The following BTN2A2 variants were observed in gnomAD, a reference collection of about 807,000 sequenced individuals.
BTN2A2 encodes butyrophilin subfamily 2 member A2.
BTN2A2 carries 29 observed loss-of-function variants against 34.7 expected under a neutral mutation model. The observed-to-expected ratio is 0.84, with a 90% CI of 0.62 to 1.14. The LOEUF (loss-of-function observed/expected upper bound fraction) is 1.14. Among genes scored for constraint, BTN2A2 ranks in the 50% most tolerant of loss-of-function variants. The probability of loss-of-function intolerance (pLI) is 0.00; values close to 1 mark genes in which losing one functional copy is unlikely to be tolerated. For synonymous variants in BTN2A2, 240 were observed against 253.1 expected (o/e 0.95, Z 0.49); for missense variants, 612 against 651.5 (o/e 0.94, Z 0.66).
At position 26,390,088 on chromosome 6, in the gene BTN2A2, G is replaced by C. The variant is rs147003451; in HGVS notation, c.808G>C (p.Val270Leu). The C allele has an allele frequency of 9.4e-5, 152 of 1,614,156 alleles. No individual in the cohort carries two copies. The African/African-American group carries it at 1.8e-3, about 20-fold the overall frequency. Residue 270 changes from valine (V) to leucine (L), a missense_variant, in exon 5 of 8, where the codon GTC becomes CTC. Physicochemically the swap from Val to Leu is conservative, Grantham distance 32 (BLOSUM62 1). Coordinates refer to ENST00000356709, the MANE Select transcript of BTN2A2 (RefSeq NM_006995.5). ...TASPWMVSMT[V>L]ILAVFIIFMA... ...ATCTCCCTGGATGGTGTCCATGACT[G>C]TCATCCTGGCTGTTTTCATCATCTT...
chr6:26,384,927 T>A lies in BTN2A2; in HGVS notation c.95-88T>A, dbSNP rs1277412417. ...TTCCTTTCATCCCTGGAGTTTTTTT[T>A]GTTTGTTTGTTTTTGTTTTTTGTTT... On this transcript the variant is annotated intron_variant, in intron 2 of 7. Coordinates refer to ENST00000356709, the MANE Select transcript of BTN2A2 (RefSeq NM_006995.5). The surrounding 1 kb of genome is among the most constrained non-coding windows in gnomAD (Gnocchi z 4.0). 7.5e-7 allele frequency: 1 copy of A among 1,335,028 alleles called. No homozygotes were observed. Among genetic ancestry groups the A allele is most frequent in the Non-Finnish European group, 1.0e-6 (1 of 994,620 alleles). The allele number at this position is 1,335,028 out of a possible 1,614,324, so 82.7% of individuals were successfully genotyped here. A position where few individuals can be genotyped will look rare whatever the true frequency, so the allele number is the denominator to read the frequency against.
At chr6:26,389,590 T>A (rs1049410553) in intron 4 of BTN2A2, among the ~76,000 whole-genome samples, 1 of 151,750 alleles carries the variant, frequency 6.6e-6, no homozygotes, top group Admixed American at 6.6e-5. Flanking sequence ...GTGGGAAGCA[T>A]TGGAAGGTTT....
At chr6:26,390,503 T>C (rs1003117831) in intron 5 of BTN2A2, 184 bp from the exon 6 acceptor site, 4 of 790,648 alleles carry the variant, frequency 5.1e-6, no homozygotes, top group African/African-American at 3.4e-5. Context: ...AGTCTAACAA[T>C]GTACTGATAC....
chr6:26,387,663 G>A (rs1761293825), intron 3 of BTN2A2, among the ~76,000 whole-genome samples: 1 of 152,050 alleles, frequency 6.6e-6, no homozygotes, highest in African/African-American at 2.4e-5. Flanking sequence ...AGGAAATTGA[G>A]GTCTGCAGAG....
Position 26,385,198 on chromosome 6 carries a change from T to C in BTN2A2, c.278T>C (p.Met93Thr). 1 of 1,614,104 alleles carries C rather than the reference T, an allele frequency of 6.2e-7. No homozygotes were observed. Reference protein sequence around the residue: ...KGGRERTEEQMEEYRGRITFV... With the variant: ...KGGRERTEEQTEEYRGRITFV... ...GGGAGAGAGAGAACAGAGGAGCAGA[T>C]GGAGGAGTACCGGGGAAGAATCACC... The change falls in exon 3 of 8, where the codon ATG becomes ACG. Residue 93 changes from methionine to threonine, a missense_variant. Met to Thr is a moderately conservative substitution (Grantham distance 81). Coordinates refer to ENST00000356709, the MANE Select transcript of BTN2A2 (RefSeq NM_006995.5).
intron 3 of BTN2A2, among the ~76,000 whole-genome samples, chr6:26,386,224 G>C (rs375625328): frequency 3.9e-4 from 59 of 152,120 alleles, no homozygotes; most frequent in Middle Eastern, 3.4e-3. Flanking sequence ...AATTTAGCTG[G>C]GAAGAAATTG....
At chr6:26,389,500 G>T (rs972074843) in intron 4 of BTN2A2, among the ~76,000 whole-genome samples, 2 of 152,216 alleles carry the variant, frequency 1.3e-5, no homozygotes, top group African/African-American at 2.4e-5. Context: ...AGTAGGGGGA[G>T]ATGAATTCAC....
intron 4 of BTN2A2, 122 bp downstream of exon 4, chr6:26,388,416 G>A (rs1170094083): frequency 6.7e-6 from 8 of 1,189,472 alleles, no homozygotes; most frequent in African/African-American, 3.0e-5. Context: ...TGAGGAGCTG[G>A]AGGCTGCAGC....
Position 26,394,065 on chromosome 6 carries a change from A to G in BTN2A2, c.*1098A>G. ...TTTGTATTATCATATCTGCCTTTGT[A>G]TTAAACCTATTGGTATATCATAGGT... On this transcript the variant is annotated 3_prime_UTR_variant, in exon 8 of 8. Transcript: ENST00000356709. The G allele has an allele frequency of 2.3e-6, 1 of 427,526 alleles. No individual in the cohort carries two copies. Among genetic ancestry groups the G allele is most frequent in the Non-Finnish European group, 4.1e-6 (1 of 241,790 alleles). The allele number at this position is 427,526 out of a possible 1,614,324, so 26.5% of individuals were successfully genotyped here.
At position 26,394,656 on chromosome 6, in the gene BTN2A2, T is replaced by A. The variant is rs766863494; in HGVS notation, c.*1689T>A. The A allele has an allele frequency of 2.4e-5, 7 of 294,736 alleles. No homozygotes were observed. The highest frequency in any genetic ancestry group is 3.1e-5 in the Non-Finnish European group (5 of 159,586). The allele number at this position is 294,736 out of a possible 1,614,324, so 18.3% of individuals were successfully genotyped here. ...CTTTCAGACTTAAACTGAGCCATGC[T>A]ACCAGCATCCCAGGGTCTCCAGCCT... On this transcript the variant is annotated 3_prime_UTR_variant, in exon 8 of 8. Coordinates refer to ENST00000356709, the MANE Select transcript of BTN2A2 (RefSeq NM_006995.5).
intron 5 of BTN2A2, 60 bp from the exon 6 acceptor site, chr6:26,390,627 C>G (rs1761517053): frequency 1.2e-6 from 2 of 1,609,758 alleles, no homozygotes; most frequent in Non-Finnish European, 1.7e-6. Flanking sequence ...TTAATACAAG[C>G]TCAATTTCTC....
At chr6:26,391,966 T>C (rs1040005447) in intron 7 of BTN2A2, 1 of 521,918 alleles carries the variant, frequency 1.9e-6, no homozygotes, top group African/African-American at 1.9e-5. Flanking sequence ...GAGAGGTATG[T>C]GGGGGAACAA....
chr6:26,394,490 A>C lies in BTN2A2; in HGVS notation c.*1523A>C. On this transcript the variant is annotated 3_prime_UTR_variant, in exon 8 of 8. Transcript: ENST00000356709. ...TTCTTCTCTCCTCTGGAGCTGAGAC[A>C]CTCTTCTTCTTCTGCCCTTGGACAT... 1.8e-6 allele frequency: 1 copy of C among 557,692 alleles called. No individual in the cohort carries two copies. Among genetic ancestry groups the C allele is most frequent in the Non-Finnish European group, 3.2e-6 (1 of 309,908 alleles). The allele number at this position is 557,692 out of a possible 1,614,324, so 34.5% of individuals were successfully genotyped here.
Position 26,383,745 on chromosome 6 carries a change from T to A in BTN2A2, c.-30-47T>A. The A allele has an allele frequency of 1.3e-6, 2 of 1,484,994 alleles. No homozygotes were observed. Among genetic ancestry groups the A allele is most frequent in the Non-Finnish European group, 1.9e-6 (2 of 1,063,506 alleles). The allele number at this position is 1,484,994 out of a possible 1,614,324, so 92.0% of individuals were successfully genotyped here. ...AGGAGAGGTTGGGCCCGACCAGCAC[T>A]GAGGTGCCAAGACTCCTAGGCTGAT... On this transcript the variant is annotated intron_variant, in intron 1 of 7. Transcript: ENST00000356709. The surrounding 1 kb of genome is among the most constrained non-coding windows in gnomAD (Gnocchi z 4.4).
chr6:26,385,399 G>A (rs1211223372), intron 3 of BTN2A2, 37 bp downstream of exon 3: 3 of 1,572,548 alleles, frequency 1.9e-6, no homozygotes, highest in Non-Finnish European at 2.6e-6. Context: ...CTTTTGCACA[G>A]TGTGACTTTT....
chr6:26,393,974 A>G lies in BTN2A2; in HGVS notation c.*1007A>G. On this transcript the variant is annotated 3_prime_UTR_variant, in exon 8 of 8. Transcript: ENST00000356709. Reference sequence around the variant, plus strand: ...AAAAAGCAATCTATTGTGTCCAAATAAAAAAACAAAAAGTGTGACACTGGT... The same window carrying G: ...AAAAAGCAATCTATTGTGTCCAAATGAAAAAACAAAAAGTGTGACACTGGT... 6.9e-6 allele frequency: 2 copies of G among 288,128 alleles called. No individual in the cohort carries two copies. The highest frequency in any genetic ancestry group is 1.2e-5 in the Non-Finnish European group (2 of 165,796). The allele number at this position is 288,128 out of a possible 1,614,324, so 17.8% of individuals were successfully genotyped here. A position where few individuals can be genotyped will look rare whatever the true frequency, so the allele number is the denominator to read the frequency against.
At chr6:26,390,585 G>C in intron 5 of BTN2A2, 102 bp from the exon 6 acceptor site, 1 of 1,407,076 alleles carries the variant, frequency 7.1e-7, no homozygotes, top group Non-Finnish European at 1.0e-6. Context: ...GGGTGATGTT[G>C]GTGTTCATAG....
Position 26,390,788 on chromosome 6 carries a change from G to C in BTN2A2, c.953-15G>C. ...GCAGTGTCTCGTGACATTCACCTCT[G>C]TCTGTCCCTTGCAGGATGGAGAAGA... is the stretch of plus-strand genomic sequence containing the variant. On this transcript the variant is annotated splice_polypyrimidine_tract_variant and intron_variant, in intron 6 of 7. Transcript: ENST00000356709. 6.2e-7 allele frequency: 1 copy of C among 1,614,238 alleles called. No homozygotes were observed. Among genetic ancestry groups the C allele is most frequent in the Non-Finnish European group, 8.5e-7 (1 of 1,180,038 alleles).
chr6:26,386,474 A>G (rs1034206214), intron 3 of BTN2A2, among the ~76,000 whole-genome samples: 1 of 152,238 alleles, frequency 6.6e-6, no homozygotes, highest in African/African-American at 2.4e-5. Context: ...CATAACAGGT[A>G]GGAGACCCTA....
Sources: gnomAD v4.1 joint callset for allele counts (sites outside exome capture counted in the v4.1 genomes callset) on GRCh38, gnomAD v4.1.1 for gene constraint, Gnocchi (gnomAD v3.1) non-coding constraint, MANE v1.5 for transcripts, NCBI Gene and HGNC (gene_info 2026-07-23, HGNC 2026-07-21) for gene names.